PSG5: variants seen among roughly 807,000 people sequenced by gnomAD.
PSG5 encodes the protein pregnancy-specific beta-1-glycoprotein 5.
A neutral mutation model predicts 37.7 loss-of-function variants in PSG5; 53 were observed. That is an observed-to-expected ratio of 1.41 (90% CI 1.13 to 1.77). PSG5 has a LOEUF of 1.77. PSG5 is among the 40% of genes most tolerant of loss of function. The pLI is 0.00. For missense variants in PSG5, 547 were observed against 405.2 expected (o/e 1.35, Z -3.00); for synonymous variants, 221 against 155.4 (o/e 1.42, Z -3.14).
intron 2 of PSG5, chr19:43,180,639 A>G (rs369989616): frequency 2.6e-5 from 4 of 151,814 alleles, no homozygotes; most frequent in African/African-American, 9.7e-5. Context: ...AAATGTTTTC[A>G]TAAGTGGAAA....
intron 3 of PSG5, 186 bp from the exon 4 acceptor site, chr19:43,175,655 A>C: frequency 2.9e-6 from 4 of 1,389,280 alleles, no homozygotes; most frequent in Non-Finnish European, 3.9e-6. Context: ...AGCTATTGAC[A>C]CAAAGTCTCC....
intron 4 of PSG5, chr19:43,175,008 C>A: frequency 6.9e-7 from 1 of 1,456,220 alleles, no homozygotes; most frequent in Non-Finnish European, 9.2e-7. Context: ...TTTCTTAGGC[C>A]AGACACAAGG....
At chr19:43,178,754 G>A in intron 2 of PSG5, 1 of 1,598,946 alleles carries the variant, frequency 6.3e-7, no homozygotes, top group Non-Finnish European at 8.6e-7. Context: ...GAAAGTCATG[G>A]CCAGCTTTGA....
chr19:43,174,352 A>G, intron 4 of PSG5: 1 of 673,398 alleles, frequency 1.5e-6, no homozygotes, highest in Non-Finnish European at 1.8e-6. Context: ...TATATTAGAT[A>G]TATATAAAGT....
intron 5 of PSG5, 32 bp from the exon 6 acceptor site, chr19:43,168,235 G>A: frequency 5.1e-6 from 2 of 391,510 alleles, no homozygotes; most frequent in Non-Finnish European, 9.4e-6. Context: ...ACTGACTATG[G>A]TTAAAAATCT....
At chr19:43,183,974 A>G (rs1395166083) in intron 2 of PSG5, among the ~76,000 whole-genome samples, 1 of 151,650 alleles carries the variant, frequency 6.6e-6, no homozygotes, top group African/African-American at 2.4e-5. Context: ...AATGCTTGGC[A>G]CAGTGGAGGT....
At chr19:43,174,583 T>C (rs1488805918) in intron 4 of PSG5, 1 of 954,750 alleles carries the variant, frequency 1.0e-6, no homozygotes, top group Non-Finnish European at 1.2e-6. Context: ...TCTCTTCTTA[T>C]TTCCCTGCAG....
chr19:43,180,953 A>C (rs1268317525), intron 2 of PSG5, among the ~76,000 whole-genome samples: 1 of 151,656 alleles, frequency 6.6e-6, no homozygotes. Flanking sequence ...GTTAGGAAAA[A>C]TGGGGAGGAC....
chr19:43,178,767 T>C, intron 2 of PSG5: 1 of 1,605,968 alleles, frequency 6.2e-7, no homozygotes, highest in East Asian at 2.2e-5. Context: ...AGCTTTGATG[T>C]CCAGGGGTAA....
At position 43,176,144 on chromosome 19, in the gene PSG5, C is replaced by T. The variant is rs778939965; in HGVS notation, c.435G>A (p.Lys145=). 1.1e-5 allele frequency: 17 copies of T among 1,611,334 alleles called. No individual in the cohort carries two copies. The highest frequency in any genetic ancestry group is 1.4e-5 in the Non-Finnish European group (16 of 1,179,098). ...TGATGGTGATGTAGGGCTTGGGCAGCTTCACTGTGTGGATAACAGAGAGAA... is the reference window on the plus strand; with the variant it reads ...TGATGGTGATGTAGGGCTTGGGCAGTTTCACTGTGTGGATAACAGAGAGAA... The part of the protein sequence containing the change: ...TGYFTFNLYL[K]LPKPYITINN... The change falls in exon 3 of 6, where the codon AAG becomes AAA. Residue 145 remains lysine (K), a synonymous_variant. Transcript: ENST00000342951.
At chr19:43,183,233 G>C (rs1969168012) in intron 2 of PSG5, 1 of 334,884 alleles carries the variant, frequency 3.0e-6, no homozygotes. Flanking sequence ...TGGCCAAAGA[G>C]CTTCAGAGTT....
chr19:43,183,402 C>T (rs1202174668), intron 2 of PSG5: 1 of 527,438 alleles, frequency 1.9e-6, no homozygotes, highest in South Asian at 1.4e-5. Context: ...TTTCTTCATT[C>T]CATTCCTTCA....
Position 43,175,333 on chromosome 19 carries a change from T to A in PSG5, c.846A>T (p.Ser282=). The change falls in exon 4 of 6, where the codon TCA becomes TCT. Residue 282 remains serine (S), a synonymous_variant. Transcript: ENST00000342951. ...TTTGGGGGATAGAGAGCTTTTGTCC[T>A]GATTGCTGAAACTTCCCATTAATTG... The part of the protein sequence containing the change: ...FWTINGKFQQ[S]GQKLSIPQIT... The A allele has an allele frequency of 6.2e-7, 1 of 1,612,846 alleles. No individual in the cohort carries two copies. The highest frequency in any genetic ancestry group is 8.5e-7 in the Non-Finnish European group (1 of 1,179,248).
chr19:43,175,219 G>C lies in PSG5; in HGVS notation c.960C>G (p.Val320=), dbSNP rs1374008992. 5 of 1,612,650 alleles carry C rather than the reference G, an allele frequency of 3.1e-6. No homozygotes were observed. Among genetic ancestry groups the C allele is most frequent in the Middle Eastern group, 3.3e-4 (2 of 6,010 alleles). The stretch of plus-strand genomic sequence containing the variant: ...AGGATGCTGGGATCCACTTACCAGA[G>C]ACTTCGACTGTCATGGATTTGGAGC... The part of the protein sequence containing the change: ...KESSKSMTVE[V]SAPSGIGRLP... The change falls in exon 4 of 6, where the codon GTC becomes GTG. Residue 320 remains valine, a synonymous_variant. Coordinates refer to ENST00000342951, the MANE Select transcript of PSG5 (RefSeq NM_002781.4).
At chr19:43,184,654 C>A (rs1426961207) in intron 2 of PSG5, 128 bp downstream of exon 2, 1 of 1,541,700 alleles carries the variant, frequency 6.5e-7, no homozygotes, top group Non-Finnish European at 9.0e-7. Flanking sequence ...GCACTAAATG[C>A]CCAAACCGCA....
rs1176164282 is a variant in PSG5 at position 43,175,444 on chromosome 19, G to T, written c.735C>A (p.Tyr245Ter). ...VLYGPDLPSIYPSFTYYRSGE... is the reference protein window; with the variant it reads ...VLYGPDLPSI ...CTGAACGGTAATAGGTGAATGAAGG[G>T]TAAATGCTGGGGAGGTCTGGACCAT... The change falls in exon 4 of 6, where the codon TAC (tyrosine) becomes TAA (stop). Residue 245 changes from tyrosine (Y) to a stop codon, truncating the protein, a stop_gained. Coordinates refer to ENST00000342951, the MANE Select transcript of PSG5 (RefSeq NM_002781.4). LOFTEE classifies it high-confidence loss of function. 5 of 1,611,758 alleles carry T rather than the reference G, an allele frequency of 3.1e-6. No individual in the cohort carries two copies. The highest frequency in any genetic ancestry group is 3.4e-6 in the Non-Finnish European group (4 of 1,178,674).
In PSG5 at chr19:43,175,591, C is replaced by A. The variant is rs1447798586; in HGVS notation, c.710-122G>T. Reference sequence around the variant, plus strand: ...ACACCCTCAAGTCCCAGCCGAACCCCCACTATATTCACTGAGCCAAAGCCT... The same window carrying A: ...ACACCCTCAAGTCCCAGCCGAACCCACACTATATTCACTGAGCCAAAGCCT... On this transcript the variant is annotated intron_variant, in intron 3 of 5. Coordinates refer to ENST00000342951, the MANE Select transcript of PSG5 (RefSeq NM_002781.4). The A allele has an allele frequency of 1.3e-5, 19 of 1,461,710 alleles. 1 individual carries two copies. Among genetic ancestry groups the A allele is most frequent in the East Asian group, 2.3e-5 (1 of 44,040 alleles). 90.5% of individuals were successfully genotyped at this position (1,461,710 alleles called of 1,614,324 possible).
rs888133559 is a variant in PSG5 at position 43,169,795 on chromosome 19, C to T, written c.*40+260G>A. On this transcript the variant is annotated intron_variant, in intron 5 of 5. Coordinates refer to ENST00000342951, the MANE Select transcript of PSG5 (RefSeq NM_002781.4). Reference sequence around the variant, plus strand: ...GTTAAAAATAATGAAGAGGGTTTCACCATGTGAAATTGTGTTTCTCATTTG... The same window carrying T: ...GTTAAAAATAATGAAGAGGGTTTCATCATGTGAAATTGTGTTTCTCATTTG... Among the ~76,000 whole-genome samples, 6 of 151,348 alleles carry T rather than the reference C, an allele frequency of 4.0e-5. 1 individual carries two copies. Among genetic ancestry groups the T allele is most frequent in the African/African-American group, 1.5e-4 (6 of 40,970 alleles).
chr19:43,186,500 C>T lies in PSG5; in HGVS notation c.-95G>A. ...GTAGGCTGTGCTGTCCTTCCTCCTT[C>T]TGTGCTGAGCCTCTCTCCAGGGCAG... is the stretch of plus-strand genomic sequence containing the variant. On this transcript the variant is annotated 5_prime_UTR_variant, in exon 1 of 6. Coordinates refer to ENST00000342951, the MANE Select transcript of PSG5 (RefSeq NM_002781.4). 6.4e-7 allele frequency: 1 copy of T among 1,565,366 alleles called. No individual in the cohort carries two copies. Among genetic ancestry groups the T allele is most frequent in the Non-Finnish European group, 8.7e-7 (1 of 1,153,008 alleles).
Sources: allele counts gnomAD v4.1 joint callset (sites outside exome capture counted in the v4.1 genomes callset), GRCh38; gene constraint gnomAD v4.1.1; transcripts MANE v1.5; gene names NCBI Gene and HGNC (gene_info 2026-07-23, HGNC 2026-07-21).